The following UNC13B variants were observed in gnomAD, a reference collection of about 807,000 sequenced individuals.
UNC13B encodes unc-13 homolog B, also known as protein unc-13 homolog B.
In UNC13B, 144 loss-of-function variants were observed where a neutral mutation model predicts 211.0. That is an observed-to-expected ratio of 0.68 (90% CI 0.60 to 0.78). The LOEUF is 0.78. Ranked by LOEUF, UNC13B falls within the 30% of genes least tolerant of loss-of-function variation. The probability of loss-of-function intolerance (pLI) is 0.00; values close to 1 mark genes in which losing one functional copy is unlikely to be tolerated. For missense variants in UNC13B, 1,777 were observed against 2,002.0 expected, an observed-to-expected ratio of 0.89 and a Z score of 2.14; for synonymous variants, 709 against 725.8, an observed-to-expected ratio of 0.98 and a Z score of 0.37.
intron 7 of UNC13B, among the ~76,000 whole-genome samples, chr9:35,292,927 G>T (rs1829166791): frequency 6.6e-6 from 1 of 152,244 alleles, no homozygotes; most frequent in Non-Finnish European, 1.5e-5. Context: ...TATGGAGGCA[G>T]TAAGAGATCG....
chr9:35,323,239 G>C (rs562526014), intron 11 of UNC13B, among the ~76,000 whole-genome samples: 1 of 151,574 alleles, frequency 6.6e-6, no homozygotes, highest in Admixed American at 6.6e-5. Context: ...TTCCTTATTA[G>C]TATAAATAGA....
intron 10 of UNC13B, among the ~76,000 whole-genome samples, chr9:35,312,705 T>C (rs1330532433): frequency 6.6e-6 from 1 of 152,264 alleles, no homozygotes; most frequent in Non-Finnish European, 1.5e-5. Context: ...ACTTGTCTGC[T>C]GAATTGGCTG....
chr9:35,301,482 A>G lies in UNC13B; in HGVS notation c.2078A>G (p.Asn693Ser). The G allele has an allele frequency of 7.5e-6, 3 of 398,820 alleles. No individual in the cohort carries two copies. Among genetic ancestry groups the G allele is most frequent in the Non-Finnish European group, 1.3e-5 (3 of 225,948 alleles). 24.7% of individuals were successfully genotyped at this position (398,820 alleles called of 1,614,324 possible). ...TTTGTTGAGTGTGGTTTGGAGTTAAATAAAAGGGAAGGCACTCTTGACAAT... is the reference window on the plus strand; with the variant it reads ...TTTGTTGAGTGTGGTTTGGAGTTAAGTAAAAGGGAAGGCACTCTTGACAAT... ...ESFVECGLEL[N>S]KREGTLDNYS... The change falls in exon 9 of 40, where the codon AAT becomes AGT. Residue 693 changes from asparagine to serine, a missense_variant. Asn to Ser is a conservative substitution (Grantham distance 46). Coordinates refer to ENST00000635942, the MANE Select transcript of UNC13B (RefSeq NM_001371189.2).
intron 11 of UNC13B, among the ~76,000 whole-genome samples, chr9:35,314,856 CTT>C (rs1830365651): frequency 2.2e-5 from 3 of 137,142 alleles, no homozygotes; most frequent in African/African-American, 8.1e-5. Flanking sequence ...TTGATGGACA[CTT>C]AGGTTGATTC....
At chr9:35,351,430 C>A (rs1377106420) in intron 11 of UNC13B, 5 of 1,230,766 alleles carry the variant, frequency 4.1e-6, no homozygotes, top group Non-Finnish European at 5.1e-6. Flanking sequence ...CTGAAAAGAG[C>A]AGGACAGGCT....
intron 11 of UNC13B, among the ~76,000 whole-genome samples, chr9:35,363,409 G>A (rs906974599): frequency 6.6e-6 from 1 of 152,178 alleles, no homozygotes; most frequent in Non-Finnish European, 1.5e-5. Flanking sequence ...TCCTGGGGGG[G>A]TTGAGATGTA....
chr9:35,364,505 A>T (rs1833643922), intron 11 of UNC13B: 1 of 1,535,706 alleles, frequency 6.5e-7, no homozygotes, highest in Non-Finnish European at 8.7e-7. Context: ...TGACTCTACT[A>T]ACCTTTCTGC....
rs1829963179 is a variant in UNC13B, at chr9:35,307,121, A to G, written c.7717A>G (p.Ser2573Gly). The G allele has an allele frequency of 2.5e-6, 1 of 398,964 alleles. No homozygotes were observed. The highest frequency in any genetic ancestry group is 4.4e-5 in the Admixed American group (1 of 22,722). The allele number at this position is 398,964 out of a possible 1,614,324, so 24.7% of individuals were successfully genotyped here. The change falls in exon 9 of 40, where the codon AGT (serine) becomes GGT (glycine). Residue 2573 changes from serine (S) to glycine (G), a missense_variant. Ser to Gly is a moderately conservative substitution (Grantham distance 56). Transcript: ENST00000635942. ...CAGTGACTGTAGAATGACTGTGGTT[A>G]GTGCAAAGCCAGAATCAGATATCTT... ...TLSDCRMTVVSAKPESDILTD... is the reference protein window; with the variant it reads ...TLSDCRMTVVGAKPESDILTD...
chr9:35,313,540 G>A (rs903487013), intron 10 of UNC13B, among the ~76,000 whole-genome samples: 23 of 151,868 alleles, frequency 1.5e-4, no homozygotes, highest in African/African-American at 5.6e-4. Context: ...TGGGAGGATT[G>A]CCTGAGCCCA....
At chr9:35,219,287 G>T (rs2131451421) in intron 1 of UNC13B, among the ~76,000 whole-genome samples, 1 of 152,258 alleles carries the variant, frequency 6.6e-6, no homozygotes, top group South Asian at 2.1e-4. Context: ...TGAGTGCAGA[G>T]TCTTTGCCCT....
intron 1 of UNC13B, among the ~76,000 whole-genome samples, chr9:35,201,909 T>A (rs1823321492): frequency 6.6e-6 from 1 of 152,204 alleles, no homozygotes. Context: ...CTTGCTTCTC[T>A]AGTTCTTTTC....
At chr9:35,263,356 AG>A (rs1827388718) in intron 7 of UNC13B, among the ~76,000 whole-genome samples, 1 of 147,608 alleles carries the variant, frequency 6.8e-6, no homozygotes, top group South Asian at 2.2e-4. Flanking sequence ...AAAAAAAAAA[AG>A]TATTACAGTT....
At chr9:35,377,443 C>T in intron 15 of UNC13B, 25 bp from the exon 16 acceptor site, 1 of 1,612,696 alleles carries the variant, frequency 6.2e-7, no homozygotes, top group South Asian at 1.1e-5. Context: ...GGTAGGTGAC[C>T]TGTTGTGTTC....
intron 26 of UNC13B, 135 bp downstream of exon 26, chr9:35,390,849 G>A: frequency 4.5e-6 from 4 of 882,238 alleles, no homozygotes; most frequent in East Asian, 2.9e-5. Context: ...TCTAGGCCTA[G>A]TGGGATGTAG....
At chr9:35,208,224 GAAC>G (rs1823772843) in intron 1 of UNC13B, among the ~76,000 whole-genome samples, 2 of 152,118 alleles carry the variant, frequency 1.3e-5, no homozygotes, top group African/African-American at 4.8e-5. Context: ...GTTCAAAGCA[GAAC>G]TCTAGACCAA....
chr9:35,355,232 T>C (rs1832953675), intron 11 of UNC13B, among the ~76,000 whole-genome samples: 1 of 152,204 alleles, frequency 6.6e-6, no homozygotes. Flanking sequence ...CTTGTATATG[T>C]ATAGATTATC....
At chr9:35,396,175 T>G (rs1259227107) in intron 26 of UNC13B, among the ~76,000 whole-genome samples, 1 of 152,134 alleles carries the variant, frequency 6.6e-6, no homozygotes, top group Non-Finnish European at 1.5e-5. Flanking sequence ...CTTTCTCCTC[T>G]TCTACACCAG....
chr9:35,297,547 C>CT (rs774525517), intron 8 of UNC13B, among the ~76,000 whole-genome samples: 1,150 of 100,830 alleles, frequency 0.011, 52 homozygotes, highest in African/African-American at 0.016. Flanking sequence ...CATACTTTGT[C>CT]TTTTTTTTTT....
At chr9:35,244,087 C>T (rs1197720021) in intron 6 of UNC13B, among the ~76,000 whole-genome samples, 1 of 151,998 alleles carries the variant, frequency 6.6e-6, no homozygotes, top group Non-Finnish European at 1.5e-5. Context: ...GAAAAACTTG[C>T]TCAGGTAGAG....
Sources: allele counts gnomAD v4.1 joint callset (sites outside exome capture counted in the v4.1 genomes callset), GRCh38; gene constraint gnomAD v4.1.1; transcripts MANE v1.5; gene names NCBI Gene and HGNC (gene_info 2026-07-23, HGNC 2026-07-21).